USH1C: variants seen among roughly 807,000 people sequenced by gnomAD.
The protein encoded by USH1C is harmonin.
In USH1C, 90 loss-of-function variants were observed where a neutral mutation model predicts 119.3. The observed-to-expected ratio is 0.75, with a 90% CI of 0.64 to 0.90. The LOEUF is 0.90. USH1C is among the 40% of genes least tolerant of loss of function. The pLI is 0.00. For missense variants in USH1C, 1,165 were observed against 1,167.7 expected, an observed-to-expected ratio of 1.00 and a Z score of 0.03; for synonymous variants, 465 against 443.3, an observed-to-expected ratio of 1.05 and a Z score of -0.62.
intron 4 of USH1C, among the ~76,000 whole-genome samples, chr11:17,529,404 C>A (rs769281660): frequency 2.6e-5 from 4 of 152,226 alleles, no homozygotes; most frequent in Non-Finnish European, 5.9e-5. Flanking sequence ...GGGGACCCAG[C>A]CTCACAGGTC....
At chr11:17,524,668 C>A (rs114117710) in intron 8 of USH1C, 133 bp from the exon 9 acceptor site, 4 of 1,014,332 alleles carry the variant, frequency 3.9e-6, no homozygotes, top group African/African-American at 1.6e-5. Flanking sequence ...CCCTCTCCAG[C>A]CTGATTTCTA....
chr11:17,517,565 G>C, intron 14 of USH1C: 1 of 1,259,608 alleles, frequency 7.9e-7, no homozygotes, highest in Non-Finnish European at 1.1e-6. Context: ...TTGGGGACCT[G>C]TAATCAGCTT....
chr11:17,516,185 C>G, intron 15 of USH1C, 56 bp downstream of exon 15: 1 of 1,603,236 alleles, frequency 6.2e-7, no homozygotes, highest in Non-Finnish European at 8.5e-7. Context: ...TTGGGAAAAG[C>G]CAAAACCCAC....
At chr11:17,523,923 A>G (rs1850542139) in intron 9 of USH1C, among the ~76,000 whole-genome samples, 1 of 152,218 alleles carries the variant, frequency 6.6e-6, no homozygotes, top group Admixed American at 6.5e-5. Flanking sequence ...ACAACCTTGG[A>G]AGAAAGCCTG....
chr11:17,533,571 C>T (rs1054133186), intron 1 of USH1C: 1 of 611,972 alleles, frequency 1.6e-6, no homozygotes, highest in African/African-American at 1.8e-5. Flanking sequence ...CCTTTGTCCC[C>T]AGGTGGGGCA....
intron 9 of USH1C, 145 bp downstream of exon 9, chr11:17,524,306 C>T: frequency 1.2e-6 from 1 of 859,182 alleles, no homozygotes. Flanking sequence ...GTGAAGCCTT[C>T]TCTGCAGGGT....
intron 1 of USH1C, among the ~76,000 whole-genome samples, 185 bp downstream of exon 1, chr11:17,544,087 G>A (rs1312057145): frequency 6.6e-6 from 1 of 152,238 alleles, no homozygotes; most frequent in East Asian, 1.9e-4. Context: ...GGGAGTCCCC[G>A]CATTCCCTCC....
intron 15 of USH1C, among the ~76,000 whole-genome samples, chr11:17,513,028 A>T (rs1458883354): frequency 1.3e-5 from 2 of 152,158 alleles, no homozygotes; most frequent in Non-Finnish European, 2.9e-5. Flanking sequence ...TATACCAATG[A>T]TCTCCTATGT....
intron 1 of USH1C, chr11:17,533,989 G>C (rs1851119622): frequency 3.6e-6 from 1 of 277,110 alleles, no homozygotes; most frequent in South Asian, 3.9e-5. Context: ...GACGTCAATG[G>C]CTGGCACTCT....
intron 14 of USH1C, 24 bp from the exon 15 acceptor site, chr11:17,516,314 G>A: frequency 6.2e-6 from 10 of 1,609,770 alleles, no homozygotes; most frequent in Non-Finnish European, 8.5e-6. Context: ...ATAACAAAAT[G>A]ATGAGACACA....
intron 12 of USH1C, among the ~76,000 whole-genome samples, chr11:17,521,974 G>A (rs1341326166): frequency 3.9e-5 from 6 of 151,994 alleles, no homozygotes; most frequent in African/African-American, 7.3e-5. Context: ...GATTACAGTC[G>A]CATGCCACTA....
At chr11:17,497,168 T>C (rs1849278688) in intron 24 of USH1C, among the ~76,000 whole-genome samples, 1 of 152,198 alleles carries the variant, frequency 6.6e-6, no homozygotes, top group Admixed American at 6.5e-5. Context: ...TGGGAAATAG[T>C]ACTTTTAACA....
In USH1C at chr11:17,496,699, T is replaced by C. The variant is rs938572930; in HGVS notation, c.2546+59A>G. 1.2e-5 allele frequency: 20 copies of C among 1,603,284 alleles called. No homozygotes were observed. In the Admixed American group the frequency reaches 2.8e-4, roughly 23 times the overall value. ...AGGCTGGGGATGGGCTGGAGAAAGG[T>C]GGCTGAGATTCTGGAGAAGGAAGAA... On this transcript the variant is annotated intron_variant, in intron 25 of 26. Transcript: ENST00000005226.
Position 17,494,358 on chromosome 11 carries a change from T to C in USH1C, c.2674A>G (p.Lys892Glu), listed in dbSNP as rs1204390290. The C allele has an allele frequency of 8.1e-6, 13 of 1,605,142 alleles. No individual in the cohort carries two copies. Among genetic ancestry groups the C allele is most frequent in the Non-Finnish European group, 1.1e-5 (13 of 1,175,568 alleles). ...TAACGGTGAATTTGGTTTCCCCTTT[T>C]GGACTTCAGAAGAAGGTCCTGCAGG... ...LEPTDLLLKS[K>E]RGNQIHR Residue 892 changes from lysine (K) to glutamate (E), a missense_variant, in exon 27 of 27, where the codon AAA (lysine) becomes GAA (glutamate). Lys to Glu is a moderately conservative substitution (Grantham distance 56). Transcript: ENST00000005226.
chr11:17,527,094 C>CCCCCCCCCAGGGGGA, intron 5 of USH1C, 54 bp from the exon 6 acceptor site: 1 of 1,445,058 alleles, frequency 6.9e-7, no homozygotes, highest in South Asian at 1.3e-5. Flanking sequence ...CCCTCCCTCC[C>CCCCCCCCCAGGGGGA]ACCGTCATGG....
rs756115246 is a variant in USH1C at position 17,521,353 on chromosome 11, T to A, written c.1078A>T (p.Met360Leu). ...TGGAGCCGAGGTACTCACTGTTCCATCTCCTTCCGGTATCTCTCATTTTCC... is the reference window on the plus strand; with the variant it reads ...TGGAGCCGAGGTACTCACTGTTCCAACTCCTTCCGGTATCTCTCATTTTCC... The part of the protein sequence containing the change: ...AEENERYRKE[M>L]EQIVEEEEKF... The change falls in exon 13 of 27, where the codon ATG (methionine) becomes TTG (leucine). Residue 360 changes from methionine (M) to leucine (L), a missense_variant. Transcript: ENST00000005226. The A allele has an allele frequency of 3.1e-6, 5 of 1,614,172 alleles. No individual in the cohort carries two copies. In the South Asian group the frequency reaches 5.5e-5, roughly 18 times the overall value.
In USH1C at chr11:17,504,697, G is replaced by T. The variant is rs778438766; in HGVS notation, c.2134C>A (p.Pro712Thr). The T allele has an allele frequency of 6.2e-7, 1 of 1,613,894 alleles. No individual in the cohort carries two copies. The highest frequency in any genetic ancestry group is 8.5e-7 in the Non-Finnish European group (1 of 1,179,996). ...ACCATCCTCTTCAACATCTCCTGTG[G>T]CTGCCAGAGGAAAAAAAAAAAAGTT... ...YRPAVKSEVL[P>T]QEMLKRMVVY... Residue 712 changes from proline to threonine, a missense_variant and splice_region_variant, in exon 20 of 27, where the codon CCA (proline) becomes ACA (threonine). Transcript: ENST00000005226.
At chr11:17,538,049 G>C (rs186001211) in intron 1 of USH1C, among the ~76,000 whole-genome samples, 1 of 152,270 alleles carries the variant, frequency 6.6e-6, no homozygotes, top group African/African-American at 2.4e-5. Flanking sequence ...CTGTGGGAAA[G>C]ACACCAGTCT....
chr11:17,538,309 C>T (rs1277489410), intron 1 of USH1C, among the ~76,000 whole-genome samples: 1 of 152,176 alleles, frequency 6.6e-6, no homozygotes, highest in Non-Finnish European at 1.5e-5. Context: ...CCCTCACAAT[C>T]TTCAGGCCCC....
Sources: allele counts gnomAD v4.1 joint callset (sites outside exome capture counted in the v4.1 genomes callset), GRCh38; gene constraint gnomAD v4.1.1; transcripts MANE v1.5; gene names NCBI Gene and HGNC (gene_info 2026-07-23, HGNC 2026-07-21).